The following ZNF451 variants were observed in gnomAD, a reference collection of about 807,000 sequenced individuals.
The protein encoded by ZNF451 is E3 SUMO-protein ligase ZNF451.
ZNF451 carries 80 observed loss-of-function variants against 107.1 expected under a neutral mutation model. The ratio of observed to expected loss-of-function variants is 0.75; its 90% CI spans 0.62 to 0.90. The LOEUF is 0.90. ZNF451 is among the 40% of genes least tolerant of loss of function. The pLI is 0.00. For synonymous variants in ZNF451, 362 were observed against 406.5 expected (o/e 0.89, Z 1.32); for missense variants, 1,107 against 1,236.2 (o/e 0.90, Z 1.57).
chr6:57,100,965 C>T (rs1012723772), intron 3 of ZNF451: 1 of 1,551,076 alleles, frequency 6.4e-7, no homozygotes, highest in Non-Finnish European at 8.7e-7. Context: ...ATGCCATCCT[C>T]TATCTCCAGA....
At chr6:57,101,561 C>T in intron 3 of ZNF451, 6 of 1,550,930 alleles carry the variant, frequency 3.9e-6, no homozygotes, top group Non-Finnish European at 5.2e-6. Context: ...TACCACGCTG[C>T]CTCCATTGCA....
intron 13 of ZNF451, chr6:57,158,977 C>T (rs1763552422): frequency 1.3e-5 from 13 of 985,250 alleles, no homozygotes; most frequent in Non-Finnish European, 1.6e-5. Context: ...ATGATTGAAG[C>T]AGCATCATGG....
Position 57,156,490 on chromosome 6 carries a change from C to G in ZNF451, c.3070+2443C>G, listed in dbSNP as rs1006648362. On this transcript the variant is annotated intron_variant, in intron 13 of 14. Transcript: ENST00000370706. ...ATGCCAGATAACTCCTTGCACATAG[C>G]TAAACATGGTGTTCCTTCTTGTTTT... Among the ~76,000 whole-genome samples, 14 of 152,260 alleles carry G rather than the reference C, an allele frequency of 9.2e-5. 1 individual carries two copies. The highest frequency in any genetic ancestry group is 5.9e-4 in the Admixed American group (9 of 15,304).
intron 9 of ZNF451, among the ~76,000 whole-genome samples, chr6:57,145,249 C>T (rs775681403): frequency 2.6e-5 from 4 of 152,090 alleles, no homozygotes; most frequent in Non-Finnish European, 4.4e-5. Flanking sequence ...TTCTTCAGTG[C>T]AAAAGCAACT....
chr6:57,117,180 G>A (rs1562601308), intron 3 of ZNF451, among the ~76,000 whole-genome samples: 1 of 152,098 alleles, frequency 6.6e-6, no homozygotes, highest in Non-Finnish European at 1.5e-5. Context: ...AAGTGTTTGG[G>A]TTTTAGATAT....
intron 7 of ZNF451, among the ~76,000 whole-genome samples, chr6:57,138,741 A>ATGTGTGTGTGTGTGTG (rs1185366526): frequency 6.4e-5 from 3 of 46,588 alleles, no homozygotes; most frequent in African/African-American, 9.2e-5. Flanking sequence ...ATATATATAT[A>ATGTGTGTGTGTGTGTG]TGTGTGTGTG....
chr6:57,148,497 A>G lies in ZNF451; in HGVS notation c.2412A>G (p.Ala804=), dbSNP rs759346228. The G allele has an allele frequency of 6.2e-7, 1 of 1,614,182 alleles. No homozygotes were observed. Among genetic ancestry groups the G allele is most frequent in the Admixed American group, 1.7e-5 (1 of 60,024 alleles). Residue 804 remains alanine (A), a synonymous_variant, in exon 10 of 15, where the codon GCA becomes GCG. Transcript: ENST00000370706. ...CTKAFHDPES[A]QQHFHRKHCF... ...AAGCATTTCATGATCCTGAGAGTGC[A>G]CAGCAGCATTTCCATAGAAAACATT...
chr6:57,135,886 TTTAG>T (rs1212646161), intron 7 of ZNF451, among the ~76,000 whole-genome samples: 1 of 152,212 alleles, frequency 6.6e-6, no homozygotes, highest in African/African-American at 2.4e-5. Flanking sequence ...AAAACATTTA[TTTAG>T]TTAATGTTTT....
At chr6:57,133,634 A>G (rs533198214) in intron 6 of ZNF451, among the ~76,000 whole-genome samples, 1 of 152,312 alleles carries the variant, frequency 6.6e-6, no homozygotes, top group African/African-American at 2.4e-5. Context: ...AATTCTATTT[A>G]TTGAAACCCA....
Position 57,109,237 on chromosome 6 carries a change from C to T in ZNF451, c.186+10096C>T, listed in dbSNP as rs183784682. ...CATTTTCAGCACTGATTATGTTAAT[C>T]GTATTGCTTGAGTTTTTTCTTTGTT... On this transcript the variant is annotated intron_variant, in intron 3 of 14. Transcript: ENST00000370706. 1.3e-4 allele frequency: 125 copies of T among 985,046 alleles called. No individual in the cohort carries two copies. The African/African-American group carries it at 1.7e-3, about 14-fold the overall frequency. The allele number at this position is 985,046 out of a possible 1,614,324, so 61.0% of individuals were successfully genotyped here. A position where few individuals can be genotyped will look rare whatever the true frequency, so the allele number is the denominator to read the frequency against.
At chr6:57,117,236 C>G (rs1011713677) in intron 3 of ZNF451, among the ~76,000 whole-genome samples, 1 of 151,790 alleles carries the variant, frequency 6.6e-6, no homozygotes, top group African/African-American at 2.4e-5. Flanking sequence ...GTTGAGCATC[C>G]CTGATGTGAA....
chr6:57,155,567 TAA>T (rs1364671549), intron 13 of ZNF451, among the ~76,000 whole-genome samples: 1 of 152,226 alleles, frequency 6.6e-6, no homozygotes, highest in East Asian at 1.9e-4. Context: ...TCCTATAAGA[TAA>T]AGTTTTACCT....
At chr6:57,099,263 T>TA in intron 3 of ZNF451, 122 bp downstream of exon 3, 2 of 751,526 alleles carry the variant, frequency 2.7e-6, no homozygotes, top group Non-Finnish European at 4.5e-6. Context: ...TAGAATGGGC[T>TA]AAAATAGGTA....
At chr6:57,124,530 C>G in intron 3 of ZNF451, 1 of 707,976 alleles carries the variant, frequency 1.4e-6, no homozygotes, top group South Asian at 1.5e-5. Flanking sequence ...CCTAGCAGCT[C>G]ATTTGTCTAA....
chr6:57,113,313 ATTCT>A lies in ZNF451; in HGVS notation c.187-11418_187-11415del, dbSNP rs1368161125. Among the ~76,000 whole-genome samples, 6 of 147,754 alleles carry A rather than the reference ATTCT, an allele frequency of 4.1e-5. No homozygotes were observed. The South Asian group carries it at 1.1e-3, about 26-fold the overall frequency. On this transcript the variant is annotated intron_variant, in intron 3 of 14. Coordinates refer to ENST00000370706, the MANE Select transcript of ZNF451 (RefSeq NM_001031623.3). Reference sequence around the variant, plus strand: ...ATGTTCCTGCAGAGGACATGATGTCATTCTTTTTTTTTTTTTGGCCGTATAGTAG... The same window carrying A: ...ATGTTCCTGCAGAGGACATGATGTCATTTTTTTTTTTTGGCCGTATAGTAG...
rs745387225 is a variant in ZNF451 at position 57,147,690 on chromosome 6, A to T, written c.1605A>T (p.Thr535=). The T allele has an allele frequency of 6.2e-7, 1 of 1,614,164 alleles. No homozygotes were observed. The highest frequency in any genetic ancestry group is 8.5e-7 in the Non-Finnish European group (1 of 1,179,992). Residue 535 remains threonine, a synonymous_variant, in exon 10 of 15, where the codon ACA becomes ACT. Transcript: ENST00000370706. The part of the protein sequence containing the change: ...HLNNFLFWCR[T]CKKELTRKDT... ...ATAACTTTCTTTTCTGGTGTCGGACATGCAAAAAGGAGTTAACAAGGAAAG... is the reference window on the plus strand; with the variant it reads ...ATAACTTTCTTTTCTGGTGTCGGACTTGCAAAAAGGAGTTAACAAGGAAAG...
Position 57,161,126 on chromosome 6 carries a change from TAGG to T in ZNF451, c.3116_3118del (p.Gly1039del), listed in dbSNP as rs540773433. ...AACATGGGTGCCAAAAATACTTCAATAGGAGAAGAATTTATATCCACAGAAGGT... is the reference window on the plus strand; with the variant it reads ...AACATGGGTGCCAAAAATACTTCAATAGAAGAATTTATATCCACAGAAGGT... On this transcript the variant is annotated inframe_deletion, in exon 14 of 15. Transcript: ENST00000370706. The T allele has an allele frequency of 3.2e-6, 5 of 1,549,364 alleles. No individual in the cohort carries two copies. The South Asian group carries it at 6.3e-5, about 20-fold the overall frequency.
At chr6:57,101,092 A>G in intron 3 of ZNF451, 1 of 1,550,746 alleles carries the variant, frequency 6.4e-7, no homozygotes. Context: ...CTCCACCTCT[A>G]AAGAGGAAAA....
chr6:57,122,643 CAG>C (rs1830696015), intron 3 of ZNF451, among the ~76,000 whole-genome samples: 1 of 152,162 alleles, frequency 6.6e-6, no homozygotes, highest in Admixed American at 6.5e-5. Context: ...CACTAATCGT[CAG>C]AGAGATGCAA....
Sources: gnomAD v4.1 joint callset for allele counts (sites outside exome capture counted in the v4.1 genomes callset) on GRCh38, gnomAD v4.1.1 for gene constraint, MANE v1.5 for transcripts, NCBI Gene and HGNC (gene_info 2026-07-23, HGNC 2026-07-21) for gene names.